Variants in MYOM2 observed in about 807,000 individuals in gnomAD.
MYOM2 encodes the protein myomesin-2.
MYOM2 carries 254 observed loss-of-function variants against 187.6 expected under a neutral mutation model. The observed-to-expected ratio is 1.35, with a 90% CI of 1.22 to 1.50. The LOEUF is 1.50. Among genes scored for constraint, MYOM2 ranks in the 40% most tolerant of loss-of-function variants. MYOM2 has a pLI of 0.00. For synonymous variants in MYOM2, 981 were observed against 753.8 expected (o/e 1.30, Z -4.94); for missense variants, 2,796 against 1,924.0 (o/e 1.45, Z -8.48).
At chr8:2,065,238 T>A (rs1818977137) in intron 6 of MYOM2, among the ~76,000 whole-genome samples, 1 of 152,052 alleles carries the variant, frequency 6.6e-6, no homozygotes, top group Non-Finnish European at 1.5e-5. Flanking sequence ...AGGCACCAGT[T>A]TGGAAGGAGA....
chr8:2,106,013 G>T (rs946045034), intron 21 of MYOM2, among the ~76,000 whole-genome samples: 1 of 152,176 alleles, frequency 6.6e-6, no homozygotes, highest in East Asian at 1.9e-4. Flanking sequence ...GGGAATGCCA[G>T]GTGCTTCTAA....
rs909139646 is a variant in MYOM2 at position 2,086,435 on chromosome 8, G to A, written c.1644+1045G>A. 5.6e-5 allele frequency among the ~76,000 whole-genome samples: 8 copies of A among 143,042 alleles called. 1 individual carries two copies. The highest frequency in any genetic ancestry group is 2.2e-4 in the South Asian group (1 of 4,514). 93.8% of individuals were successfully genotyped at this position (143,042 alleles called of 152,430 possible). On this transcript the variant is annotated intron_variant, in intron 14 of 36. Coordinates refer to ENST00000262113, the MANE Select transcript of MYOM2 (RefSeq NM_003970.4). ...GGCCTCCCACTGTTGTGATCTCTGC[G>A]TGGCCCCCTACTGTCGTGATCTCCA...
chr8:2,069,471 T>G lies in MYOM2; in HGVS notation c.767T>G (p.Phe256Cys), dbSNP rs759679056. ...GGGTTCCGGGGAGACGAGGAACCAT[T>G]CCGTTCGGTGGGACTCCCGATTGGA... is the stretch of plus-strand genomic sequence containing the variant. Reference protein sequence around the residue: ...VRRFRGDEEPFRSVGLPIGLP... With the variant: ...VRRFRGDEEPCRSVGLPIGLP... Residue 256 changes from phenylalanine (F) to cysteine (C), a missense_variant, in exon 8 of 37, where the codon TTC (phenylalanine) becomes TGC (cysteine). Transcript: ENST00000262113. The G allele has an allele frequency of 1.9e-6, 3 of 1,614,232 alleles. No individual in the cohort carries two copies. Among genetic ancestry groups the G allele is most frequent in the Non-Finnish European group, 1.7e-6 (2 of 1,180,032 alleles).
intron 25 of MYOM2, among the ~76,000 whole-genome samples, chr8:2,112,264 A>T (rs1797091662): frequency 6.6e-6 from 1 of 152,228 alleles, no homozygotes; most frequent in Non-Finnish European, 1.5e-5. Context: ...AACCCAGGTT[A>T]TATTAAAACA....
intron 19 of MYOM2, among the ~76,000 whole-genome samples, chr8:2,100,216 C>T (rs112416513): frequency 0.013 from 1,952 of 150,978 alleles, 20 homozygotes; most frequent in African/African-American, 0.028. Context: ...TTCTTTCCTG[C>T]CTTCCTACCT....
At chr8:2,069,722 G>A (rs1476016160) in intron 8 of MYOM2, among the ~76,000 whole-genome samples, 1 of 152,042 alleles carries the variant, frequency 6.6e-6, no homozygotes, top group Non-Finnish European at 1.5e-5. Context: ...TCATTTCAGA[G>A]AGCTCCTCCA....
chr8:2,117,722 T>G (rs1381460121), intron 27 of MYOM2, among the ~76,000 whole-genome samples, 163 bp from the exon 28 acceptor site: 1 of 152,108 alleles, frequency 6.6e-6, no homozygotes. Flanking sequence ...CCACAGCTAT[T>G]GTGTTCTGCC....
chr8:2,092,983 A>G (rs879519402), intron 16 of MYOM2, among the ~76,000 whole-genome samples: 16 of 151,976 alleles, frequency 1.1e-4, no homozygotes, highest in Non-Finnish European at 2.1e-4. Flanking sequence ...GCCTCGGGGG[A>G]TGCTGGTTGC....
At chr8:2,123,137 G>A in intron 28 of MYOM2, 115 bp from the exon 29 acceptor site, 1 of 656,122 alleles carries the variant, frequency 1.5e-6, no homozygotes. Context: ...ACTGTCTATA[G>A]TAAAAACTAA....
intron 6 of MYOM2, among the ~76,000 whole-genome samples, chr8:2,061,247 C>G (rs1341080969): frequency 6.6e-6 from 1 of 151,786 alleles, no homozygotes; most frequent in Non-Finnish European, 1.5e-5. Flanking sequence ...CTGTCCCCGT[C>G]CAGCCCAGTG....
chr8:2,096,909 G>C (rs558441737), intron 18 of MYOM2, among the ~76,000 whole-genome samples: 2 of 152,166 alleles, frequency 1.3e-5, no homozygotes, highest in Admixed American at 6.5e-5. Flanking sequence ...AGTGCCCCTG[G>C]TGCTCAGGTG....
In MYOM2 at chr8:2,087,416, G is replaced by T. The variant is rs545320691; in HGVS notation, c.1644+2026G>T. 1.4e-4 allele frequency among the ~76,000 whole-genome samples: 21 copies of T among 152,218 alleles called. No homozygotes were observed. The South Asian group carries it at 3.9e-3, about 29-fold the overall frequency. On this transcript the variant is annotated intron_variant, in intron 14 of 36. Transcript: ENST00000262113. ...TGGTTATTTGCAATGTATGCTATCT[G>T]GGGGGTAGAAACTAGAAATATTTCA...
chr8:2,093,828 G>A, intron 16 of MYOM2, 142 bp from the exon 17 acceptor site: 2 of 990,164 alleles, frequency 2.0e-6, no homozygotes, highest in Non-Finnish European at 3.0e-6. Flanking sequence ...TACATGTTGA[G>A]CTAATTAACT....
intron 18 of MYOM2, 85 bp from the exon 19 acceptor site, chr8:2,098,772 C>G: frequency 7.3e-7 from 1 of 1,376,412 alleles, no homozygotes; most frequent in Non-Finnish European, 9.8e-7. Context: ...TTTTATTTCA[C>G]AAGCCAGTTA....
At chr8:2,069,200 G>A (rs1819127681) in intron 6 of MYOM2, 78 bp from the exon 7 acceptor site, 2 of 1,382,814 alleles carry the variant, frequency 1.4e-6, no homozygotes, top group Non-Finnish European at 2.0e-6. Context: ...TGCTTTCGAG[G>A]AATGCTTTTG....
At position 2,079,775 on chromosome 8, in the gene MYOM2, T is replaced by TA. The variant is rs200703955; in HGVS notation, c.1516+170dup. Among the ~76,000 whole-genome samples the TA allele has an allele frequency of 6.2e-3, 932 of 151,338 alleles. 3 individuals are homozygous for TA. Among genetic ancestry groups the TA allele is most frequent in the South Asian group, 0.026 (122 of 4,780 alleles). ...CTGCAAGCCCAGTGTCCATAGAAGT[T>TA]AAAAAAAAGAAAAAATCAAGCAAGA... On this transcript the variant is annotated intron_variant, in intron 13 of 36. Coordinates refer to ENST00000262113, the MANE Select transcript of MYOM2 (RefSeq NM_003970.4).
chr8:2,096,649 A>G (rs1192065097), intron 18 of MYOM2, among the ~76,000 whole-genome samples: 1 of 152,174 alleles, frequency 6.6e-6, no homozygotes, highest in Non-Finnish European at 1.5e-5. Flanking sequence ...GAGCTCAGTG[A>G]TGGAGTGGGC....
chr8:2,100,129 T>TTTCCTTCCTTCTTTCCTTCC (rs1796649108), intron 19 of MYOM2, among the ~76,000 whole-genome samples: 5 of 45,576 alleles, frequency 1.1e-4, no homozygotes, highest in Admixed American at 2.4e-4. Context: ...TCCTTCCTTC[T>TTTCCTTCCTTCTTTCCTTCC]TTCCTTCCTT....
At chr8:2,088,207 C>A (rs781513579) in intron 14 of MYOM2, among the ~76,000 whole-genome samples, 1 of 152,198 alleles carries the variant, frequency 6.6e-6, no homozygotes, top group Non-Finnish European at 1.5e-5. Flanking sequence ...GCCTCCCTCC[C>A]ACTCTTTCCC....
Sources: gnomAD v4.1 joint callset for allele counts (sites outside exome capture counted in the v4.1 genomes callset) on GRCh38, gnomAD v4.1.1 for gene constraint, MANE v1.5 for transcripts, NCBI Gene and HGNC (gene_info 2026-07-23, HGNC 2026-07-21) for gene names.